TTC21B: variants seen among roughly 807,000 people sequenced by gnomAD.
TTC21B encodes tetratricopeptide repeat protein 21B.
TTC21B carries 127 observed loss-of-function variants against 175.1 expected under a neutral mutation model. That is an observed-to-expected ratio of 0.73 (90% confidence interval 0.63 to 0.84). TTC21B has a LOEUF of 0.84. TTC21B is among the 40% of genes least tolerant of loss of function. TTC21B has a pLI of 0.00. For missense variants in TTC21B, 1,561 were observed against 1,558.3 expected (o/e 1.00, Z -0.03); for synonymous variants, 524 against 524.5 (o/e 1.00, Z 0.01).
chr2:165,916,216 T>C (rs1040554823), intron 14 of TTC21B, among the ~76,000 whole-genome samples: 1 of 152,206 alleles, frequency 6.6e-6, no homozygotes, highest in Non-Finnish European at 1.5e-5. Flanking sequence ...TGAGCTATGA[T>C]TGTATCACTG....
chr2:165,917,195 C>T, intron 14 of TTC21B, 62 bp downstream of exon 14: 1 of 1,490,684 alleles, frequency 6.7e-7, no homozygotes, highest in Non-Finnish European at 9.4e-7. Context: ...TCATTTTCTA[C>T]TAATATATAT....
intron 22 of TTC21B, among the ~76,000 whole-genome samples, chr2:165,896,677 G>A (rs1028091148): frequency 6.6e-6 from 1 of 152,100 alleles, no homozygotes; most frequent in African/African-American, 2.4e-5. Context: ...TAGACCTGTG[G>A]GAGCAGCATA....
chr2:165,886,532 A>C (rs1685001792), intron 25 of TTC21B, among the ~76,000 whole-genome samples: 1 of 152,222 alleles, frequency 6.6e-6, no homozygotes, highest in Non-Finnish European at 1.5e-5. Flanking sequence ...GATGCTTATG[A>C]AACTTCAGCT....
At chr2:165,918,248 C>A (rs1299162401) in intron 13 of TTC21B, among the ~76,000 whole-genome samples, 3 of 152,290 alleles carry the variant, frequency 2.0e-5, no homozygotes, top group South Asian at 4.1e-4. Context: ...GAGGCTCTGA[C>A]ATACCACTAG....
At chr2:165,874,890 G>A (rs1684615118) in intron 28 of TTC21B, 58 bp from the exon 29 acceptor site, 1 of 1,449,644 alleles carries the variant, frequency 6.9e-7, no homozygotes. Context: ...AAACTACGGA[G>A]TTACAAAACT....
intron 19 of TTC21B, among the ~76,000 whole-genome samples, chr2:165,906,733 G>A (rs1490501285): frequency 3.3e-5 from 5 of 152,004 alleles, no homozygotes; most frequent in Non-Finnish European, 7.4e-5. Context: ...ATCACCTGAG[G>A]TCAGGAGTTT....
At position 165,941,014 on chromosome 2, in the gene TTC21B, T is replaced by G. The variant is rs772267715; in HGVS notation, c.710+13A>C. The G allele has an allele frequency of 8.7e-6, 14 of 1,613,554 alleles. No individual in the cohort carries two copies. The highest frequency in any genetic ancestry group is 5.1e-6 in the Non-Finnish European group (6 of 1,179,662). ...AAATCCAAAGAGACTTGTGTCATCTTTTATTACTTAACCTTTGTGCTGTCT... is the reference window on the plus strand; with the variant it reads ...AAATCCAAAGAGACTTGTGTCATCTGTTATTACTTAACCTTTGTGCTGTCT... On this transcript the variant is annotated intron_variant, in intron 6 of 28. Coordinates refer to ENST00000243344, the MANE Select transcript of TTC21B (RefSeq NM_024753.5).
intron 11 of TTC21B, among the ~76,000 whole-genome samples, chr2:165,925,017 C>T (rs1191257422): frequency 1.3e-5 from 2 of 152,256 alleles, no homozygotes; most frequent in East Asian, 3.9e-4. Context: ...CTGAGAGGTA[C>T]AGTTTCTTGC....
chr2:165,879,636 C>T (rs550532409), intron 27 of TTC21B: 3 of 152,176 alleles, frequency 2.0e-5, no homozygotes, highest in African/African-American at 7.2e-5. Context: ...TTATAAGAAG[C>T]CAAATCATAT....
chr2:165,927,048 A>G (rs77883640), intron 11 of TTC21B, among the ~76,000 whole-genome samples: 1,031 of 24,452 alleles, frequency 0.042, 213 homozygotes, highest in East Asian at 0.075. Flanking sequence ...ATATATGTGT[A>G]TATATATATA....
intron 12 of TTC21B, among the ~76,000 whole-genome samples, chr2:165,921,384 T>C (rs1412794716): frequency 2.0e-5 from 3 of 152,166 alleles, no homozygotes; most frequent in South Asian, 2.1e-4. Context: ...CCTGACTCCA[T>C]GGGGAGAGGG....
In TTC21B at chr2:165,924,340, G is replaced by A. The variant is rs567280156; in HGVS notation, c.1516+209C>T. Among the ~76,000 whole-genome samples the A allele has an allele frequency of 4.0e-4, 61 of 152,042 alleles. No individual in the cohort carries two copies. The highest frequency in any genetic ancestry group is 1.2e-3 in the African/African-American group (48 of 41,470). On this transcript the variant is annotated intron_variant, in intron 12 of 28. Coordinates refer to ENST00000243344, the MANE Select transcript of TTC21B (RefSeq NM_024753.5). ...TATAACTGCATTTTCCCAGCAATTC[G>A]CTTAAGCCACACAAGTTTATAGTAA...
chr2:165,935,439 C>T (rs55949449), intron 6 of TTC21B, among the ~76,000 whole-genome samples: 23,796 of 152,068 alleles, frequency 0.16, 2,201 homozygotes, highest in East Asian at 0.27. Context: ...CATACCAATG[C>T]GGAGAGATTA....
chr2:165,927,246 TTATATATATATATATCCTA>T (rs1686693046), intron 11 of TTC21B, among the ~76,000 whole-genome samples: 1 of 2,304 alleles, frequency 4.3e-4, no homozygotes, highest in Non-Finnish European at 1.5e-3. Context: ...ATCCTAGTAG[TTATATATATATATATCCTA>T]GTAGTTATAT....
chr2:165,941,122 G>T lies in TTC21B; in HGVS notation c.615C>A (p.Ile205=), dbSNP rs143998499. 2 of 1,613,818 alleles carry T rather than the reference G, an allele frequency of 1.2e-6. No individual in the cohort carries two copies. The highest frequency in any genetic ancestry group is 1.6e-4 in the Middle Eastern group (1 of 6,062). Residue 205 remains isoleucine (I), a synonymous_variant, in exon 6 of 29, where the codon ATC becomes ATA. Coordinates refer to ENST00000243344, the MANE Select transcript of TTC21B (RefSeq NM_024753.5). ...SGALETVNQI[I]VNFPSFLPAF... ...CAGGAAGGAAGCTCGGAAAATTCAC[G>T]ATTATCTGGTTCACAGTCTCCAGGG...
At chr2:165,916,300 T>A (rs892990298) in intron 14 of TTC21B, among the ~76,000 whole-genome samples, 1 of 152,132 alleles carries the variant, frequency 6.6e-6, no homozygotes, top group East Asian at 1.9e-4. Flanking sequence ...TCTTTGTGAT[T>A]TGGCAAATAT....
chr2:165,950,738 T>C (rs1386904894), intron 1 of TTC21B, among the ~76,000 whole-genome samples: 2 of 152,102 alleles, frequency 1.3e-5, no homozygotes, highest in Admixed American at 1.3e-4. Context: ...AGCCTCCTGA[T>C]CTGGGACTAT....
chr2:165,953,556 G>T, intron 1 of TTC21B, 129 bp downstream of exon 1: 1 of 1,465,902 alleles, frequency 6.8e-7, no homozygotes, highest in Non-Finnish European at 9.2e-7. Flanking sequence ...AACCCGAGCA[G>T]CCGGGGCACC....
intron 18 of TTC21B, among the ~76,000 whole-genome samples, chr2:165,909,632 G>C (rs1305342827): frequency 1.3e-5 from 2 of 152,132 alleles, no homozygotes; most frequent in Non-Finnish European, 2.9e-5. Flanking sequence ...ATAATGTCAG[G>C]AAGTTTTTAG....
Sources: gnomAD v4.1 joint callset for allele counts (sites outside exome capture counted in the v4.1 genomes callset) on GRCh38, gnomAD v4.1.1 for gene constraint, MANE v1.5 for transcripts, NCBI Gene and HGNC (gene_info 2026-07-23, HGNC 2026-07-21) for gene names.